GALM: variants seen among roughly 807,000 people sequenced by gnomAD.
The protein encoded by GALM is galactose mutarotase.
Under a neutral mutation model 37.4 loss-of-function variants are expected in GALM, and 43 were observed. The observed-to-expected ratio is 1.15, with a 90% CI of 0.90 to 1.48. GALM has a LOEUF of 1.48. Ranked by LOEUF, GALM falls within the 40% of genes most tolerant of loss-of-function variation. The probability of loss-of-function intolerance (pLI) is 0.00; values close to 1 mark genes in which losing one functional copy is unlikely to be tolerated. For synonymous variants in GALM, 199 were observed against 170.6 expected, an observed-to-expected ratio of 1.17 and a Z score of -1.30; for missense variants, 456 against 419.1, an observed-to-expected ratio of 1.09 and a Z score of -0.77.
At chr2:38,728,505 C>T (rs954047712) in intron 4 of GALM, among the ~76,000 whole-genome samples, 1 of 151,854 alleles carries the variant, frequency 6.6e-6, no homozygotes, top group Non-Finnish European at 1.5e-5. Flanking sequence ...ACCAGCCTGG[C>T]CAACATGGTG....
chr2:38,675,541 TTTTGTGTGTGTG>T lies in GALM; in HGVS notation c.191-369_191-358del, dbSNP rs1392784737. Reference sequence around the variant, plus strand: ...GGGTTTTTTTGTTTTTTTTTTTTTTTTTTGTGTGTGTGTGTGTGTGTGTGTGTGTGTGTGTGT... The same window carrying T: ...GGGTTTTTTTGTTTTTTTTTTTTTTTTGTGTGTGTGTGTGTGTGTGTGTGT... On this transcript the variant is annotated intron_variant, in intron 1 of 6. Transcript: ENST00000272252. Among the ~76,000 whole-genome samples, 49 of 65,602 alleles carry T rather than the reference TTTTGTGTGTGTG, an allele frequency of 7.5e-4. 1 individual carries two copies. The highest frequency in any genetic ancestry group is 1.4e-3 in the African/African-American group (21 of 14,818). 43.0% of individuals were successfully genotyped at this position (65,602 alleles called of 152,430 possible). A position where few individuals can be genotyped will look rare whatever the true frequency, so the allele number is the denominator to read the frequency against.
chr2:38,680,475 G>C (rs1665369690), intron 2 of GALM, among the ~76,000 whole-genome samples: 1 of 152,116 alleles, frequency 6.6e-6, no homozygotes, highest in African/African-American at 2.4e-5. Flanking sequence ...CAATGAGCTA[G>C]GGACAAATGA....
intron 4 of GALM, among the ~76,000 whole-genome samples, chr2:38,696,114 G>A (rs1379335251): frequency 6.6e-6 from 1 of 151,508 alleles, no homozygotes; most frequent in South Asian, 2.1e-4. Context: ...TAAAAAAAGT[G>A]TAGAGATTTT....
At chr2:38,677,341 A>G (rs138441967) in intron 2 of GALM, among the ~76,000 whole-genome samples, 1 of 152,288 alleles carries the variant, frequency 6.6e-6, no homozygotes, top group African/African-American at 2.4e-5. Flanking sequence ...TTCTGCCTCT[A>G]ACCACCACTT....
At position 38,666,268 on chromosome 2, in the gene GALM, G is replaced by A; in HGVS notation, c.107G>A (p.Trp36Ter). 6.2e-7 allele frequency: 1 copy of A among 1,613,950 alleles called. No homozygotes were observed. The highest frequency in any genetic ancestry group is 8.5e-7 in the Non-Finnish European group (1 of 1,179,818). ...SDLLRVDIIS[W>*]GCTITALEVK... ...CTCTTGAGAGTGGACATCATCTCCT[G>A]GGGCTGCACGATCACAGCCCTAGAG... Residue 36 changes from tryptophan to a stop codon, truncating the protein, a stop_gained, in exon 1 of 7, where the codon TGG becomes TAG. Coordinates refer to ENST00000272252, the MANE Select transcript of GALM (RefSeq NM_138801.3). LOFTEE classifies it high-confidence loss of function.
At chr2:38,668,113 T>A (rs1410021304) in intron 1 of GALM, 1 of 152,236 alleles carries the variant, frequency 6.6e-6, no homozygotes, top group Non-Finnish European at 1.5e-5. Context: ...TTTCCTTGTA[T>A]CTGTCGGTCT....
intron 4 of GALM, among the ~76,000 whole-genome samples, chr2:38,701,804 G>T (rs1233105629): frequency 6.6e-6 from 1 of 152,176 alleles, no homozygotes; most frequent in Non-Finnish European, 1.5e-5. Flanking sequence ...AACGAAGGCT[G>T]TTTTGATCTT....
chr2:38,732,056 T>C (rs1666619873), intron 6 of GALM, 147 bp downstream of exon 6: 2 of 742,324 alleles, frequency 2.7e-6, no homozygotes, highest in African/African-American at 1.8e-5. Context: ...GTCTCACTCT[T>C]GTCGCCTAGG....
chr2:38,687,002 C>A (rs536166421), intron 3 of GALM, among the ~76,000 whole-genome samples: 2 of 152,194 alleles, frequency 1.3e-5, no homozygotes, highest in African/African-American at 2.4e-5. Flanking sequence ...GGCTGCAGCT[C>A]CCAGTTTAGC....
chr2:38,728,028 C>T (rs1486959603), intron 4 of GALM, among the ~76,000 whole-genome samples: 3 of 152,172 alleles, frequency 2.0e-5, no homozygotes, highest in Non-Finnish European at 4.4e-5. Flanking sequence ...AATTATCACC[C>T]TAAAAGAGTA....
At chr2:38,695,948 C>T (rs1170593554) in intron 4 of GALM, among the ~76,000 whole-genome samples, 2 of 152,086 alleles carry the variant, frequency 1.3e-5, no homozygotes, top group Non-Finnish European at 2.9e-5. Context: ...ATCCACCCGC[C>T]TTAGCCTCCC....
intron 4 of GALM, among the ~76,000 whole-genome samples, chr2:38,706,918 T>A: frequency 6.6e-6 from 1 of 150,624 alleles, no homozygotes; most frequent in African/African-American, 2.4e-5. Context: ...AAGCAAGAGA[T>A]GAGACCCAAA....
chr2:38,688,041 A>G (rs928285296), intron 3 of GALM, among the ~76,000 whole-genome samples: 5 of 150,358 alleles, frequency 3.3e-5, no homozygotes, highest in South Asian at 4.2e-4. Context: ...GTGAAACCCC[A>G]TCTCTACTAA....
At chr2:38,706,154 G>C (rs532871260) in intron 4 of GALM, among the ~76,000 whole-genome samples, 1 of 151,926 alleles carries the variant, frequency 6.6e-6, no homozygotes, top group African/African-American at 2.4e-5. Context: ...ACACGTGCCC[G>C]CCACCCTGCC....
chr2:38,723,489 C>G (rs1221162007), intron 4 of GALM, among the ~76,000 whole-genome samples: 1 of 152,126 alleles, frequency 6.6e-6, no homozygotes, highest in Non-Finnish European at 1.5e-5. Context: ...TAACATTTCT[C>G]TTTCTAATAA....
intron 4 of GALM, among the ~76,000 whole-genome samples, chr2:38,728,837 A>G (rs1019986992): frequency 1.4e-5 from 2 of 147,418 alleles, no homozygotes; most frequent in African/African-American, 5.0e-5. Context: ...TACTTGGTAC[A>G]AGGTTCTAGC....
intron 4 of GALM, among the ~76,000 whole-genome samples, chr2:38,696,162 C>G (rs1400100634): frequency 6.6e-6 from 1 of 151,794 alleles, no homozygotes; most frequent in African/African-American, 2.4e-5. Flanking sequence ...TCTTGTTGCC[C>G]AGGCTGGAGT....
intron 3 of GALM, among the ~76,000 whole-genome samples, chr2:38,686,755 AAAG>A (rs1391274614): frequency 6.6e-6 from 1 of 152,224 alleles, no homozygotes; most frequent in Non-Finnish European, 1.5e-5. Context: ...ACAAGGCACC[AAAG>A]AATATGTACT....
chr2:38,694,229 G>A (rs1201612677), intron 4 of GALM, among the ~76,000 whole-genome samples: 2 of 152,068 alleles, frequency 1.3e-5, no homozygotes, highest in East Asian at 3.9e-4. Flanking sequence ...AGAAAGGAGT[G>A]AGGAAAGAAA....
Sources: gnomAD v4.1 joint callset for allele counts (sites outside exome capture counted in the v4.1 genomes callset) on GRCh38, gnomAD v4.1.1 for gene constraint, MANE v1.5 for transcripts, NCBI Gene and HGNC (gene_info 2026-07-23, HGNC 2026-07-21) for gene names.